The following ATP13A4 variants were observed in gnomAD, a reference collection of about 807,000 sequenced individuals.
ATP13A4 encodes the protein probable cation-transporting ATPase 13A4.
In ATP13A4, 114 loss-of-function variants were observed where a neutral mutation model predicts 142.5. That is an observed-to-expected ratio of 0.80 (90% CI 0.69 to 0.93). ATP13A4 has a LOEUF of 0.93. ATP13A4 is among the 40% of genes least tolerant of loss of function. The probability of loss-of-function intolerance (pLI) is 0.00; values close to 1 mark genes in which losing one functional copy is unlikely to be tolerated. For synonymous variants in ATP13A4, 488 were observed against 514.8 expected, an observed-to-expected ratio of 0.95 and a Z score of 0.70; for missense variants, 1,392 against 1,454.0, an observed-to-expected ratio of 0.96 and a Z score of 0.69.
intron 8 of ATP13A4, among the ~76,000 whole-genome samples, 156 bp downstream of exon 8, chr3:193,483,780 G>GT (rs1488313221): frequency 2.6e-5 from 4 of 151,248 alleles, no homozygotes; most frequent in African/African-American, 7.3e-5. Flanking sequence ...AGTTTTTAAG[G>GT]TAAAAAAAAA....
rs1479377675 is a variant in ATP13A4, at chr3:193,433,869, T to C, written c.2818A>G (p.Ile940Val). ...NYQFLFQDLA[I>V]TTLIGVTMNL... ...CTTGTTACACCAATAAGAGTTGTAA[T>C]GGCCAGATCCTGGAACAGAAACTGG... The change falls in exon 25 of 30, where the codon ATT (isoleucine) becomes GTT (valine). Residue 940 changes from isoleucine (I) to valine (V), a missense_variant. Transcript: ENST00000342695. 5 of 1,613,734 alleles carry C rather than the reference T, an allele frequency of 3.1e-6. No homozygotes were observed. The African/African-American group carries it at 4.0e-5, about 13-fold the overall frequency.
At chr3:193,503,032 C>T (rs368919502) in intron 2 of ATP13A4, among the ~76,000 whole-genome samples, 9 of 146,640 alleles carry the variant, frequency 6.1e-5, no homozygotes, top group East Asian at 4.1e-4. Flanking sequence ...TCCACCGGGG[C>T]GGGGCAGGGG....
intron 25 of ATP13A4, among the ~76,000 whole-genome samples, chr3:193,419,909 C>T (rs1377626939): frequency 1.3e-5 from 2 of 150,070 alleles, no homozygotes; most frequent in African/African-American, 4.9e-5. Flanking sequence ...TGTTGCCGTA[C>T]CCCAGCTTCA....
At chr3:193,420,953 G>A (rs1163156687) in intron 25 of ATP13A4, among the ~76,000 whole-genome samples, 1 of 149,540 alleles carries the variant, frequency 6.7e-6, no homozygotes, top group Non-Finnish European at 1.5e-5. Flanking sequence ...AGCATTATGG[G>A]ATTGCCAGAT....
chr3:193,510,557 T>A (rs1031785048), intron 2 of ATP13A4, among the ~76,000 whole-genome samples: 2 of 152,196 alleles, frequency 1.3e-5, no homozygotes, highest in Admixed American at 1.3e-4. Flanking sequence ...TGATATTGGT[T>A]AAAAATCAGA....
chr3:193,536,343 C>T (rs547959418), intron 1 of ATP13A4, among the ~76,000 whole-genome samples: 1 of 152,090 alleles, frequency 6.6e-6, no homozygotes, highest in Admixed American at 6.5e-5. Flanking sequence ...CACACACACA[C>T]AAAAATTAAT....
At chr3:193,442,622 G>A in intron 18 of ATP13A4, 66 bp from the exon 19 acceptor site, 1 of 1,491,822 alleles carries the variant, frequency 6.7e-7, no homozygotes, top group East Asian at 2.3e-5. Context: ...GCAGAGCCTT[G>A]AAAACCAGAG....
intron 24 of ATP13A4, among the ~76,000 whole-genome samples, chr3:193,434,821 C>T (rs974141814): frequency 3.9e-5 from 6 of 152,056 alleles, no homozygotes; most frequent in Non-Finnish European, 2.9e-5. Flanking sequence ...AAAGTGATCA[C>T]AAGACCTATG....
chr3:193,438,890 C>T (rs1716457988), intron 22 of ATP13A4, 133 bp downstream of exon 22: 1 of 985,468 alleles, frequency 1.0e-6, no homozygotes, highest in Admixed American at 1.7e-5. Context: ...GGTATATATG[C>T]CAGGAGTATA....
chr3:193,454,257 G>T, intron 16 of ATP13A4, 45 bp from the exon 17 acceptor site: 1 of 1,383,530 alleles, frequency 7.2e-7, no homozygotes, highest in Admixed American at 1.7e-5. Context: ...TATTTGCTTA[G>T]GCAGTACTGG....
chr3:193,582,149 C>CTTTTTTTTTTTT, intron 1 of ATP13A4, among the ~76,000 whole-genome samples: 1 of 124,442 alleles, frequency 8.0e-6, no homozygotes, highest in Admixed American at 8.6e-5. Context: ...CTTTTCTTTT[C>CTTTTTTTTTTTT]TTTTTTTTTT....
chr3:193,505,822 T>A (rs1000643596), intron 2 of ATP13A4, among the ~76,000 whole-genome samples: 17 of 152,164 alleles, frequency 1.1e-4, no homozygotes, highest in African/African-American at 2.9e-4. Context: ...CTTCTCAGTT[T>A]TCATTTTGGG....
chr3:193,549,140 T>C (rs1008821362), intron 1 of ATP13A4, among the ~76,000 whole-genome samples: 3 of 152,214 alleles, frequency 2.0e-5, no homozygotes, highest in Non-Finnish European at 4.4e-5. Context: ...CGAGTATACA[T>C]TGGTACAACT....
intron 13 of ATP13A4, among the ~76,000 whole-genome samples, chr3:193,459,777 C>A (rs558030740): frequency 6.6e-6 from 1 of 152,276 alleles, no homozygotes; most frequent in East Asian, 1.9e-4. Flanking sequence ...CCCCCTCTTC[C>A]ACCCTGGCCT....
intron 14 of ATP13A4, 150 bp from the exon 15 acceptor site, chr3:193,457,615 G>T (rs149608842): frequency 2.7e-6 from 2 of 740,074 alleles, no homozygotes; most frequent in Non-Finnish European, 4.7e-6. Context: ...GATTTATTCC[G>T]CCACAGAAAA....
chr3:193,455,679 A>G (rs1266890548), intron 16 of ATP13A4, among the ~76,000 whole-genome samples: 1 of 152,266 alleles, frequency 6.6e-6, no homozygotes, highest in Non-Finnish European at 1.5e-5. Flanking sequence ...AAATCCCATT[A>G]CTGGGTATAT....
chr3:193,454,215 G>A lies in ATP13A4; in HGVS notation c.1916-3C>T. 6.2e-7 allele frequency: 1 copy of A among 1,602,114 alleles called. No individual in the cohort carries two copies. Among genetic ancestry groups the A allele is most frequent in the Non-Finnish European group, 8.6e-7 (1 of 1,169,178 alleles). On this transcript the variant is annotated splice_region_variant and splice_polypyrimidine_tract_variant and intron_variant, in intron 16 of 29. Transcript: ENST00000342695. The stretch of plus-strand genomic sequence containing the variant: ...TTCGCTAACAAAACTAGTGGGTACT[G>A]TTTAGAAAGAAACACAGGGTTAGTA...
At chr3:193,407,254 C>T (rs921833810) in intron 29 of ATP13A4, 59 bp downstream of exon 29, 29 of 1,468,662 alleles carry the variant, frequency 2.0e-5, no homozygotes, top group Non-Finnish European at 2.2e-5. Context: ...CCAAAGAAGT[C>T]CCCCTACACA....
At chr3:193,483,194 T>C (rs905889883) in intron 8 of ATP13A4, among the ~76,000 whole-genome samples, 4 of 152,016 alleles carry the variant, frequency 2.6e-5, no homozygotes, top group Non-Finnish European at 5.9e-5. Context: ...CATTTATGTA[T>C]AATATTGAGC....
Sources: allele counts gnomAD v4.1 joint callset (sites outside exome capture counted in the v4.1 genomes callset), GRCh38; gene constraint gnomAD v4.1.1; transcripts MANE v1.5; gene names NCBI Gene and HGNC (gene_info 2026-07-23, HGNC 2026-07-21).